The following MGLL variants were observed in gnomAD, a reference collection of about 807,000 sequenced individuals.
MGLL encodes monoglyceride lipase.
A neutral mutation model predicts 29.1 loss-of-function variants in MGLL; 7 were observed. That is an observed-to-expected ratio of 0.24 (90% CI 0.14 to 0.45). The LOEUF is 0.45. MGLL is among the 20% of genes least tolerant of loss of function. MGLL has a pLI of 0.99. For missense variants in MGLL, 356 were observed against 413.6 expected (o/e 0.86, Z 1.21); for synonymous variants, 148 against 168.3 (o/e 0.88, Z 0.93).
At chr3:127,706,122 T>G (rs549082923) in intron 6 of MGLL, among the ~76,000 whole-genome samples, 33 of 152,294 alleles carry the variant, frequency 2.2e-4, no homozygotes, top group African/African-American at 6.5e-4. Flanking sequence ...AAGCAGGGTC[T>G]GGAGTAGATA....
chr3:127,780,626 C>T (rs2077107683), intron 3 of MGLL, among the ~76,000 whole-genome samples: 1 of 152,160 alleles, frequency 6.6e-6, no homozygotes. Context: ...GAATAAGAGC[C>T]CCTGGCAAAT....
chr3:127,738,225 C>CG (rs890231544), intron 3 of MGLL, among the ~76,000 whole-genome samples: 3 of 151,520 alleles, frequency 2.0e-5, no homozygotes, highest in African/African-American at 7.3e-5. Context: ...CGCTTGAGCC[C>CG]GGGAAGTTGA....
intron 6 of MGLL, among the ~76,000 whole-genome samples, chr3:127,697,030 C>T (rs2075381256): frequency 6.6e-6 from 1 of 152,240 alleles, no homozygotes; most frequent in East Asian, 1.9e-4. Flanking sequence ...GGACTGAGCA[C>T]CAAAAACCAG....
intron 5 of MGLL, among the ~76,000 whole-genome samples, chr3:127,720,639 C>T (rs916240911): frequency 1.3e-5 from 2 of 152,194 alleles, no homozygotes; most frequent in African/African-American, 4.8e-5. Context: ...GCAGTGGATG[C>T]GACTCCATAC....
intron 3 of MGLL, among the ~76,000 whole-genome samples, chr3:127,768,778 C>T (rs902100072): frequency 2.6e-5 from 4 of 152,298 alleles, no homozygotes; most frequent in South Asian, 2.1e-4. Flanking sequence ...GGGAACCTAG[C>T]GCATCACTCA....
chr3:127,726,752 C>A (rs1372570583), intron 3 of MGLL, among the ~76,000 whole-genome samples: 1 of 151,534 alleles, frequency 6.6e-6, no homozygotes, highest in Non-Finnish European at 1.5e-5. Context: ...TTATACTATT[C>A]TTGCAAACCT....
At chr3:127,794,813 G>A (rs368766996) in intron 2 of MGLL, among the ~76,000 whole-genome samples, 13 of 152,164 alleles carry the variant, frequency 8.5e-5, no homozygotes, top group African/African-American at 3.1e-4. Flanking sequence ...GTCTTATGTA[G>A]GCCTCCTCCT....
chr3:127,754,476 CCCCTCACCGG>C (rs1185374167), intron 3 of MGLL, among the ~76,000 whole-genome samples: 1 of 152,238 alleles, frequency 6.6e-6, no homozygotes, highest in Non-Finnish European at 1.5e-5. Context: ...CAGGGCCTCA[CCCCTCACCGG>C]CGTTAACTGG....
chr3:127,775,475 A>G (rs1327154149), intron 3 of MGLL, among the ~76,000 whole-genome samples: 39 of 152,170 alleles, frequency 2.6e-4, no homozygotes, highest in Admixed American at 2.6e-3. Flanking sequence ...TGAATTTCCT[A>G]AATACTCTTC....
chr3:127,757,332 G>GT (rs145779994), intron 3 of MGLL, among the ~76,000 whole-genome samples: 8,572 of 152,272 alleles, frequency 0.056, 328 homozygotes, highest in Middle Eastern at 0.13. Flanking sequence ...CATTATTGCA[G>GT]TAACTACTGG....
At chr3:127,708,084 T>G (rs1408347831) in intron 6 of MGLL, among the ~76,000 whole-genome samples, 1 of 152,220 alleles carries the variant, frequency 6.6e-6, no homozygotes, top group South Asian at 2.1e-4. Context: ...ACATTTCTTT[T>G]TGGTTTGAGG....
intron 2 of MGLL, among the ~76,000 whole-genome samples, chr3:127,787,181 C>T (rs951243881): frequency 6.6e-6 from 1 of 152,216 alleles, no homozygotes; most frequent in Non-Finnish European, 1.5e-5. Context: ...TCACTGCCAG[C>T]CCCCTGGGCA....
chr3:127,776,593 G>C (rs1045944764), intron 3 of MGLL, among the ~76,000 whole-genome samples: 1 of 150,994 alleles, frequency 6.6e-6, no homozygotes, highest in Non-Finnish European at 1.5e-5. Flanking sequence ...CCTGAGCTGC[G>C]GGCCTTGTGG....
chr3:127,770,610 C>T lies in MGLL; in HGVS notation c.262+11179G>A, dbSNP rs115389840. Among the ~76,000 whole-genome samples the T allele has an allele frequency of 3.1e-3, 469 of 152,128 alleles. 1 individual carries two copies. The highest frequency in any genetic ancestry group is 9.9e-3 in the African/African-American group (409 of 41,496). On this transcript the variant is annotated intron_variant, in intron 3 of 7. Transcript: ENST00000265052. ...GCATGGGTTGGTCAAAGAACTAAGG[C>T]GTGAGGGCCAGGTGCAGCTGCATAG...
At chr3:127,811,943 C>G (rs1036054030) in intron 2 of MGLL, among the ~76,000 whole-genome samples, 1 of 152,236 alleles carries the variant, frequency 6.6e-6, no homozygotes, top group Non-Finnish European at 1.5e-5. Context: ...GCACTAATTG[C>G]GAACCCACAG....
chr3:127,769,881 G>T (rs74847641), intron 3 of MGLL, among the ~76,000 whole-genome samples: 19,024 of 152,134 alleles, frequency 0.13, 1,229 homozygotes, highest in Middle Eastern at 0.16. Flanking sequence ...ATGGAGCGGG[G>T]CTCCTGTGAG....
intron 2 of MGLL, among the ~76,000 whole-genome samples, chr3:127,786,043 C>T (rs992452858): frequency 6.6e-6 from 1 of 152,152 alleles, no homozygotes; most frequent in East Asian, 1.9e-4. Flanking sequence ...AGGAAGGCCC[C>T]GAGTCCAGAG....
chr3:127,807,889 G>A (rs1340253216), intron 2 of MGLL, among the ~76,000 whole-genome samples: 1 of 148,558 alleles, frequency 6.7e-6, no homozygotes, highest in African/African-American at 2.5e-5. Context: ...AGCCTCCTGA[G>A]TAGCTGGGAC....
chr3:127,695,278 T>C, intron 6 of MGLL, 88 bp from the exon 7 acceptor site: 1 of 1,360,952 alleles, frequency 7.3e-7, no homozygotes, highest in Non-Finnish European at 1.0e-6. Context: ...TTCCTTCTGC[T>C]CTGGCCTGAA....
Sources: gnomAD v4.1 joint callset for allele counts (sites outside exome capture counted in the v4.1 genomes callset) on GRCh38, gnomAD v4.1.1 for gene constraint, MANE v1.5 for transcripts, NCBI Gene and HGNC (gene_info 2026-07-23, HGNC 2026-07-21) for gene names.